Variants in HYAL4 observed in about 807,000 individuals in gnomAD.
The protein encoded by HYAL4 is hyaluronidase-4.
In HYAL4, 37 loss-of-function variants were observed where a neutral mutation model predicts 35.2. The ratio of observed to expected loss-of-function variants is 1.05; its 90% CI spans 0.81 to 1.38. The LOEUF is 1.38. Among genes scored for constraint, HYAL4 ranks in the 40% most tolerant of loss-of-function variants. HYAL4 has a pLI of 0.00. For synonymous variants in HYAL4, 198 were observed against 203.2 expected, an observed-to-expected ratio of 0.97 and a Z score of 0.22; for missense variants, 572 against 572.4, an observed-to-expected ratio of 1.00 and a Z score of 0.01.
At chr7:123,769,009 T>C in the HYAL4 span, among the ~76,000 whole-genome samples, 2 of 152,238 alleles carry the variant, frequency 1.3e-5, no homozygotes, top group African/African-American at 2.4e-5. Flanking sequence ...TTTTAAATTG[T>C]ATTTCTCATG....
At chr7:123,813,513 G>A in the HYAL4 span, among the ~76,000 whole-genome samples, 1 of 152,164 alleles carries the variant, frequency 6.6e-6, no homozygotes, top group Non-Finnish European at 1.5e-5. Flanking sequence ...GAAGATGATA[G>A]CACCAAAATC....
intron 2 of HYAL4, among the ~76,000 whole-genome samples, chr7:123,861,583 C>A (rs1806576898): frequency 6.6e-6 from 1 of 152,162 alleles, no homozygotes; most frequent in Admixed American, 6.6e-5. Context: ...AAACCTCTTT[C>A]AGATTGTATT....
chr7:123,795,649 A>G, the HYAL4 span, among the ~76,000 whole-genome samples: 1 of 152,146 alleles, frequency 6.6e-6, no homozygotes, highest in African/African-American at 2.4e-5. Context: ...TTCTGCCATG[A>G]TTGTAAGTTT....
chr7:123,782,397 T>C, the HYAL4 span, among the ~76,000 whole-genome samples: 1 of 152,174 alleles, frequency 6.6e-6, no homozygotes. Context: ...CATTACATTA[T>C]GTTTAAAATG....
intron 1 of HYAL4, among the ~76,000 whole-genome samples, chr7:123,833,775 G>T (rs1286589446): frequency 6.6e-6 from 1 of 152,078 alleles, no homozygotes; most frequent in Non-Finnish European, 1.5e-5. Context: ...TGTGAGGGAT[G>T]AGGGTACAGT....
At chr7:123,819,694 C>T in the HYAL4 span, among the ~76,000 whole-genome samples, 1 of 151,948 alleles carries the variant, frequency 6.6e-6, no homozygotes, top group Non-Finnish European at 1.5e-5. Flanking sequence ...TAATTTTGAG[C>T]ATGTTAGTTA....
At chr7:123,785,943 GAAAACAAAACAAAAC>G in the HYAL4 span, among the ~76,000 whole-genome samples, 8 of 150,984 alleles carry the variant, frequency 5.3e-5, no homozygotes, top group Admixed American at 6.6e-5. The surrounding 1 kb of genome is among the most constrained non-coding windows in gnomAD (Gnocchi z 4.5). Flanking sequence ...GTAGAAACAA[GAAAACAAAACAAAAC>G]AAAACAAAAC....
the HYAL4 span, among the ~76,000 whole-genome samples, chr7:123,786,131 C>A: frequency 6.6e-6 from 1 of 152,184 alleles, no homozygotes; most frequent in Admixed American, 6.5e-5. Flanking sequence ...AAATTTTAAT[C>A]TCTGAATATG....
the HYAL4 span, among the ~76,000 whole-genome samples, chr7:123,792,576 C>T: frequency 6.6e-6 from 1 of 152,166 alleles, no homozygotes; most frequent in Non-Finnish European, 1.5e-5. Context: ...TTGACTGGGT[C>T]TTTTAGTAGA....
At chr7:123,788,020 T>C in the HYAL4 span, among the ~76,000 whole-genome samples, 1 of 152,112 alleles carries the variant, frequency 6.6e-6, no homozygotes, top group African/African-American at 2.4e-5. Flanking sequence ...TATCAGCCAA[T>C]AAATATTGGC....
chr7:123,831,087 G>A (rs1040914527), intron 1 of HYAL4, among the ~76,000 whole-genome samples: 13 of 152,170 alleles, frequency 8.5e-5, no homozygotes, highest in Admixed American at 7.9e-4. Context: ...GAGACCTAAT[G>A]GGAGGTGTTT....
At chr7:123,797,617 A>G in the HYAL4 span, among the ~76,000 whole-genome samples, 2 of 152,326 alleles carry the variant, frequency 1.3e-5, no homozygotes, top group South Asian at 2.1e-4. Context: ...GCCTCTGCTG[A>G]TAAGTACTAA....
chr7:123,849,060 A>G (rs1454493629), intron 2 of HYAL4, among the ~76,000 whole-genome samples: 1 of 152,238 alleles, frequency 6.6e-6, no homozygotes, highest in Admixed American at 6.5e-5. Context: ...CCAAAACAGT[A>G]TAAGGAAGGT....
chr7:123,783,671 GA>G, the HYAL4 span, among the ~76,000 whole-genome samples: 1 of 152,112 alleles, frequency 6.6e-6, no homozygotes, highest in Non-Finnish European at 1.5e-5. Flanking sequence ...ATGCTGCTGG[GA>G]ACAGGTTAGG....
At chr7:123,862,422 A>G (rs1157713277) in intron 2 of HYAL4, among the ~76,000 whole-genome samples, 1 of 152,174 alleles carries the variant, frequency 6.6e-6, no homozygotes, top group Non-Finnish European at 1.5e-5. Context: ...AGACATGTAG[A>G]TTTGGAAAAT....
At chr7:123,784,925 C>A in the HYAL4 span, among the ~76,000 whole-genome samples, 1 of 152,120 alleles carries the variant, frequency 6.6e-6, no homozygotes, top group African/African-American at 2.4e-5. Context: ...CAACTAGAAT[C>A]CTGCTACTGT....
chr7:123,790,625 G>C, the HYAL4 span: 1 of 131,722 alleles, frequency 7.6e-6, no homozygotes, highest in South Asian at 2.4e-4. Context: ...AACGCTTCAC[G>C]AATTTGCGTG....
rs375528551 is a variant in HYAL4 at position 123,836,934 on chromosome 7, A to AG, written c.-256-7309dup. Reference sequence around the variant, plus strand: ...TCCCAGTTACTCAGGGGACTGAGACAGGAGAATCGCTTGAATCCTGGAGGC... The same window carrying AG: ...TCCCAGTTACTCAGGGGACTGAGACAGGGAGAATCGCTTGAATCCTGGAGGC... On this transcript the variant is annotated intron_variant, in intron 1 of 4. Coordinates refer to the HYAL4 transcript ENST00000489978. Among the ~76,000 whole-genome samples, 423 of 152,218 alleles carry AG rather than the reference A, an allele frequency of 2.8e-3. 4 individuals are homozygous for AG. The highest frequency in any genetic ancestry group is 9.6e-3 in the African/African-American group (399 of 41,540).
chr7:123,835,079 G>C (rs927601458), intron 1 of HYAL4, among the ~76,000 whole-genome samples: 1 of 152,028 alleles, frequency 6.6e-6, no homozygotes, highest in Non-Finnish European at 1.5e-5. Context: ...TTTGGGATTA[G>C]GGTGATACTG....
Sources: allele counts gnomAD v4.1 joint callset (sites outside exome capture counted in the v4.1 genomes callset), GRCh38; gene constraint gnomAD v4.1.1; non-coding constraint Gnocchi (gnomAD v3.1); transcripts MANE v1.5; gene names NCBI Gene and HGNC (gene_info 2026-07-23, HGNC 2026-07-21).